Variants in SPMIP4 observed in about 807,000 individuals in gnomAD.
The protein encoded by SPMIP4 is sperm-associated microtubule inner protein 4.
chr7:25,154,690 A>C, the SPMIP4 span, among the ~76,000 whole-genome samples: 15 of 152,336 alleles, frequency 9.8e-5, no homozygotes, highest in African/African-American at 3.6e-4. Context: ...TTAAAAGCTA[A>C]ACCGTGAGAG....
At chr7:25,165,031 C>T in the SPMIP4 span, among the ~76,000 whole-genome samples, 8 of 152,168 alleles carry the variant, frequency 5.3e-5, no homozygotes, top group Non-Finnish European at 1.2e-4. Context: ...GGTTAATGGG[C>T]ACTTGGGCTG....
the SPMIP4 span, among the ~76,000 whole-genome samples, chr7:25,144,065 G>T: frequency 6.6e-6 from 1 of 152,178 alleles, no homozygotes. Flanking sequence ...CAAAGGAACA[G>T]CAGGAGCAGA....
At chr7:25,141,392 T>C in the SPMIP4 span, among the ~76,000 whole-genome samples, 1 of 152,022 alleles carries the variant, frequency 6.6e-6, no homozygotes, top group South Asian at 2.1e-4. Flanking sequence ...GTCAACATGG[T>C]GAAACCCCGT....
the SPMIP4 span, among the ~76,000 whole-genome samples, chr7:25,165,572 C>G: frequency 3.9e-5 from 6 of 152,164 alleles, no homozygotes; most frequent in African/African-American, 1.4e-4. Context: ...CCTGCCTCAG[C>G]CTCCTGACCT....
chr7:25,126,897 T>C, the SPMIP4 span, among the ~76,000 whole-genome samples: 2 of 152,208 alleles, frequency 1.3e-5, no homozygotes, highest in African/African-American at 4.8e-5. Flanking sequence ...CCTCAGCTTC[T>C]GTTTGCCTGG....
the SPMIP4 span, among the ~76,000 whole-genome samples, chr7:25,130,557 G>A: frequency 5.6e-4 from 85 of 152,092 alleles, no homozygotes; most frequent in Admixed American, 5.9e-4. Context: ...CAGATGTTCC[G>A]CCCACGTCAG....
At chr7:25,160,347 A>G in the SPMIP4 span, among the ~76,000 whole-genome samples, 55,181 of 151,938 alleles carry the variant, frequency 0.36, 12,364 homozygotes, top group Non-Finnish European at 0.5. Flanking sequence ...CGCCCAGACT[A>G]GAGTGCAATG....
the SPMIP4 span, among the ~76,000 whole-genome samples, chr7:25,149,517 A>G: frequency 6.6e-6 from 1 of 152,236 alleles, no homozygotes; most frequent in African/African-American, 2.4e-5. Flanking sequence ...GTTAATAAAG[A>G]TTAAGAAAGT....
the SPMIP4 span, among the ~76,000 whole-genome samples, chr7:25,152,675 T>C: frequency 6.6e-6 from 1 of 151,572 alleles, no homozygotes; most frequent in South Asian, 2.1e-4. Flanking sequence ...TCCTTCCTTC[T>C]TTCCTTCCTC....
At chr7:25,158,106 C>T in the SPMIP4 span, among the ~76,000 whole-genome samples, 3 of 152,304 alleles carry the variant, frequency 2.0e-5, no homozygotes, top group East Asian at 3.9e-4. Flanking sequence ...CTGTGGCTCA[C>T]GCCTGTGATC....
the SPMIP4 span, chr7:25,155,187 ATCTC>A: frequency 1.3e-6 from 2 of 1,541,230 alleles, no homozygotes; most frequent in Non-Finnish European, 1.7e-6. Context: ...TGGCAAGCAG[ATCTC>A]TCTAAGATTT....
chr7:25,161,213 C>CT, the SPMIP4 span: 11 of 1,561,914 alleles, frequency 7.0e-6, no homozygotes, highest in Admixed American at 1.8e-5. Flanking sequence ...ATAGACATCA[C>CT]TTTTTTTGTT....
chr7:25,150,829 G>C, the SPMIP4 span, among the ~76,000 whole-genome samples: 4 of 152,166 alleles, frequency 2.6e-5, no homozygotes, highest in African/African-American at 9.7e-5. Context: ...GTTATTGAAA[G>C]GGTTAAATGA....
At chr7:25,149,774 G>C in the SPMIP4 span, among the ~76,000 whole-genome samples, 1 of 152,078 alleles carries the variant, frequency 6.6e-6, no homozygotes, top group Non-Finnish European at 1.5e-5. Flanking sequence ...TTCTAGTTTT[G>C]AATCTTTCAT....
chr7:25,173,569 T>C, the SPMIP4 span, among the ~76,000 whole-genome samples: 1,127 of 152,270 alleles, frequency 7.4e-3, 13 homozygotes, highest in African/African-American at 0.026. The surrounding 1 kb of genome is among the most constrained non-coding windows in gnomAD (Gnocchi z 4.4). Context: ...GCCCACTGAT[T>C]TGGGGTGCTG....
the SPMIP4 span, among the ~76,000 whole-genome samples, chr7:25,129,710 G>A: frequency 6.6e-6 from 1 of 151,912 alleles, no homozygotes. Flanking sequence ...TGGCCATCTT[G>A]CTCCACCTCT....
chr7:25,172,231 T>C, the SPMIP4 span, among the ~76,000 whole-genome samples: 1 of 152,104 alleles, frequency 6.6e-6, no homozygotes, highest in African/African-American at 2.4e-5. This position sits in a 1 kb window ranked among gnomAD's most constrained non-coding sequence, Gnocchi z 4.2. Context: ...TGGGTGGTGG[T>C]AGGAGCTCAA....
the SPMIP4 span, among the ~76,000 whole-genome samples, chr7:25,126,523 C>T: frequency 6.6e-6 from 1 of 152,180 alleles, no homozygotes; most frequent in Non-Finnish European, 1.5e-5. Context: ...GACAACATAA[C>T]ATTGATTGCA....
the SPMIP4 span, chr7:25,151,632 TTTC>T: frequency 6.2e-7 from 1 of 1,612,000 alleles, no homozygotes; most frequent in East Asian, 2.2e-5. Flanking sequence ...AAGTCAGTGC[TTTC>T]TTCTTTGAAT....
Sources: gnomAD v4.1 joint callset for allele counts (sites outside exome capture counted in the v4.1 genomes callset) on GRCh38, gnomAD v4.1.1 for gene constraint, Gnocchi (gnomAD v3.1) non-coding constraint, MANE v1.5 for transcripts, NCBI Gene and HGNC (gene_info 2026-07-23, HGNC 2026-07-21) for gene names.